Variants in USP43 observed in about 807,000 individuals in gnomAD.
The protein encoded by USP43 is ubiquitin carboxyl-terminal hydrolase 43.
USP43 carries 33 observed loss-of-function variants against 90.7 expected under a neutral mutation model. The ratio of observed to expected loss-of-function variants is 0.36; its 90% CI spans 0.28 to 0.49. USP43 has a LOEUF of 0.49. Ranked by LOEUF, USP43 falls within the 20% of genes least tolerant of loss-of-function variation. The pLI is 0.98. For missense variants in USP43, 1,274 were observed against 1,476.4 expected (o/e 0.86, Z 2.25); for synonymous variants, 598 against 615.8 (o/e 0.97, Z 0.43).
intron 14 of USP43, among the ~76,000 whole-genome samples, chr17:9,725,662 G>A (rs375658085): frequency 2.6e-4 from 39 of 152,198 alleles, no homozygotes; most frequent in African/African-American, 8.7e-4. Context: ...CACGAGTTCC[G>A]TGGGCATCTG....
intron 7 of USP43, 44 bp downstream of exon 7, chr17:9,683,002 G>A (rs748274808): frequency 3.1e-6 from 5 of 1,601,876 alleles, no homozygotes; most frequent in South Asian, 1.1e-5. Flanking sequence ...TCTGGGATTT[G>A]TAGACCTGTA....
chr17:9,709,150 C>T lies in USP43; in HGVS notation c.2012-806C>T, dbSNP rs551887005. ...TGCTGACACGTAGAGGGCAAGGAAA[C>T]GGATATTTTGTTGTCGTTACTTGAG... On this transcript the variant is annotated intron_variant, in intron 12 of 14. Coordinates refer to ENST00000285199, the MANE Select transcript of USP43 (RefSeq NM_153210.5). The surrounding 1 kb of genome is among the most constrained non-coding windows in gnomAD (Gnocchi z 5.0). Among the ~76,000 whole-genome samples, 2 of 152,184 alleles carry T rather than the reference C, an allele frequency of 1.3e-5. No individual in the cohort carries two copies. The highest frequency in any genetic ancestry group is 3.9e-4 in the East Asian group (2 of 5,178).
intron 4 of USP43, among the ~76,000 whole-genome samples, chr17:9,676,276 G>T (rs1352520098): frequency 6.6e-6 from 1 of 152,090 alleles, no homozygotes; most frequent in Admixed American, 6.6e-5. Context: ...AGAAGATTTG[G>T]CTCTACCCTG....
At chr17:9,672,089 C>G (rs544916067) in intron 3 of USP43, among the ~76,000 whole-genome samples, 1 of 152,068 alleles carries the variant, frequency 6.6e-6, no homozygotes, top group African/African-American at 2.4e-5. Flanking sequence ...CTCCGCCTCC[C>G]GGGTGCAAGC....
intron 1 of USP43, among the ~76,000 whole-genome samples, chr17:9,649,546 G>T (rs562461875): frequency 6.6e-6 from 1 of 151,560 alleles, no homozygotes; most frequent in Non-Finnish European, 1.5e-5. Context: ...TTCCTTCTGC[G>T]GTTCTCAGTG....
chr17:9,718,401 T>C (rs931340638), intron 14 of USP43, among the ~76,000 whole-genome samples: 3 of 152,142 alleles, frequency 2.0e-5, no homozygotes, highest in African/African-American at 7.2e-5. Context: ...TAGATTCTCA[T>C]TGAGTCCACC....
chr17:9,713,860 C>T (rs1440137716), intron 14 of USP43, among the ~76,000 whole-genome samples: 1 of 152,120 alleles, frequency 6.6e-6, no homozygotes, highest in Non-Finnish European at 1.5e-5. Flanking sequence ...GGAGGGAAGT[C>T]AAGAATTTTT....
chr17:9,682,692 A>T, intron 6 of USP43, 131 bp from the exon 7 acceptor site: 1 of 1,176,018 alleles, frequency 8.5e-7, no homozygotes. Flanking sequence ...CCTCCCCTAA[A>T]GCCCTCTAGT....
Position 9,683,050 on chromosome 17 carries a change from C to T in USP43, c.1241+92C>T. The T allele has an allele frequency of 1.3e-5, 19 of 1,480,440 alleles. No individual in the cohort carries two copies. In the South Asian group the frequency reaches 2.5e-4, roughly 20 times the overall value. The allele number at this position is 1,480,440 out of a possible 1,614,324, so 91.7% of individuals were successfully genotyped here. A position where few individuals can be genotyped will look rare whatever the true frequency, so the allele number is the denominator to read the frequency against. Reference sequence around the variant, plus strand: ...TCTAGAGTAAAATTAAACATTTATTCCCAAGGTTAATAAACTAGGAGCCAG... The same window carrying T: ...TCTAGAGTAAAATTAAACATTTATTTCCAAGGTTAATAAACTAGGAGCCAG... On this transcript the variant is annotated intron_variant, in intron 7 of 14. Transcript: ENST00000285199.
rs9914110 is a variant in USP43, at chr17:9,709,136, A to C, written c.2012-820A>C. 7.8e-3 allele frequency among the ~76,000 whole-genome samples: 1,184 copies of C among 152,288 alleles called. 7 individuals carry two copies. Among genetic ancestry groups the C allele is most frequent in the Middle Eastern group, 0.031 (9 of 294 alleles). ...GTTATGCTGTCATTTGCTGACACGT[A>C]GAGGGCAAGGAAACGGATATTTTGT... On this transcript the variant is annotated intron_variant, in intron 12 of 14. Transcript: ENST00000285199. The surrounding 1 kb of genome is among the most constrained non-coding windows in gnomAD (Gnocchi z 5.0).
intron 1 of USP43, among the ~76,000 whole-genome samples, chr17:9,650,471 C>T (rs1416402347): frequency 2.0e-5 from 3 of 152,050 alleles, no homozygotes; most frequent in East Asian, 1.9e-4. Context: ...GGCGCTATCT[C>T]GGCTCACTGC....
chr17:9,694,593 CA>C (rs1252876780), intron 9 of USP43, among the ~76,000 whole-genome samples: 1 of 151,976 alleles, frequency 6.6e-6, no homozygotes, highest in Non-Finnish European at 1.5e-5. Context: ...CCTCACCCCC[CA>C]TTACTTTTTT....
chr17:9,681,152 A>AT (rs1491357251), intron 6 of USP43, among the ~76,000 whole-genome samples: 16 of 89,272 alleles, frequency 1.8e-4, no homozygotes, highest in African/African-American at 8.6e-4. Context: ...ATACTATATA[A>AT]TATATACTAT....
intron 6 of USP43, among the ~76,000 whole-genome samples, chr17:9,681,932 G>A (rs953620556): frequency 1.3e-5 from 2 of 152,186 alleles, no homozygotes; most frequent in Non-Finnish European, 2.9e-5. Context: ...AGTTGACAGG[G>A]AGATGCTGGG....
At chr17:9,670,253 G>T (rs1362040105) in intron 3 of USP43, among the ~76,000 whole-genome samples, 1 of 151,886 alleles carries the variant, frequency 6.6e-6, no homozygotes, top group African/African-American at 2.4e-5. Context: ...TGGCCAGGCT[G>T]GTCTTGAACT....
Position 9,701,324 on chromosome 17 carries a change from C to T in USP43, c.1663-28C>T, listed in dbSNP as rs1196949912. 30 of 1,587,470 alleles carry T rather than the reference C, an allele frequency of 1.9e-5. No individual in the cohort carries two copies. Among genetic ancestry groups the T allele is most frequent in the Non-Finnish European group, 2.4e-5 (28 of 1,166,202 alleles). ...TGGGTTGGCCACGTGCTGCGGGGGC[C>T]TCACAGTCCGGGTGGTTTGCTTTCC... On this transcript the variant is annotated intron_variant, in intron 11 of 14. Coordinates refer to ENST00000285199, the MANE Select transcript of USP43 (RefSeq NM_153210.5). The surrounding 1 kb of genome is among the most constrained non-coding windows in gnomAD (Gnocchi z 7.2).
chr17:9,678,818 G>A (rs541062571), intron 5 of USP43, among the ~76,000 whole-genome samples: 1 of 150,834 alleles, frequency 6.6e-6, no homozygotes, highest in South Asian at 2.1e-4. Flanking sequence ...CTGGGATGAA[G>A]TACATCCAGA....
chr17:9,701,124 TC>T lies in USP43; in HGVS notation c.1542del (p.Phe514LeufsTer61). On this transcript the variant is annotated frameshift_variant, in exon 11 of 15. Coordinates refer to ENST00000285199, the MANE Select transcript of USP43 (RefSeq NM_153210.5). LOFTEE classifies it high-confidence loss of function. This position sits in a 1 kb window ranked among gnomAD's most constrained non-coding sequence, Gnocchi z 7.2. ...TGGGTGTCCTCTCCGTGCAGCCTGT[TC>T]GGGAGCCTCCAGGAGGAGCGAGCGC... The part of the protein sequence containing the change: ...EWDSSVKERL[F>X]GSLQEERAQD... The T allele has an allele frequency of 6.8e-7, 1 of 1,471,262 alleles. No homozygotes were observed. Among genetic ancestry groups the T allele is most frequent in the Non-Finnish European group, 9.0e-7 (1 of 1,107,492 alleles). 91.1% of individuals were successfully genotyped at this position (1,471,262 alleles called of 1,614,324 possible). A position where few individuals can be genotyped will look rare whatever the true frequency, so the allele number is the denominator to read the frequency against.
Position 9,680,366 on chromosome 17 carries a change from G to A in USP43, c.1105G>A (p.Ala369Thr). 1 of 1,613,706 alleles carries A rather than the reference G, an allele frequency of 6.2e-7. No individual in the cohort carries two copies. Among genetic ancestry groups the A allele is most frequent in the Non-Finnish European group, 8.5e-7 (1 of 1,179,764 alleles). The change falls in exon 6 of 15, where the codon GCT (alanine) becomes ACT (threonine). Residue 369 changes from alanine to threonine, a missense_variant and splice_region_variant. By Grantham distance (58) the Ala-to-Thr change is moderately conservative. Coordinates refer to ENST00000285199, the MANE Select transcript of USP43 (RefSeq NM_153210.5). Reference protein sequence around the residue: ...PPSPSQGTLSAHPLGLSASPR... With the variant: ...PPSPSQGTLSTHPLGLSASPR... ...CTCACCCAGCCAGGGGACTCTCTCA[G>A]GTATAACAGGTGCTTTGCACAATTT... is the stretch of plus-strand genomic sequence containing the variant.
Sources: allele counts gnomAD v4.1 joint callset (sites outside exome capture counted in the v4.1 genomes callset), GRCh38; gene constraint gnomAD v4.1.1; non-coding constraint Gnocchi (gnomAD v3.1); transcripts MANE v1.5; gene names NCBI Gene and HGNC (gene_info 2026-07-23, HGNC 2026-07-21).